RAB3IL1: variants seen among roughly 807,000 people sequenced by gnomAD.
RAB3IL1 encodes guanine nucleotide exchange factor for Rab-3A.
RAB3IL1 carries 37 observed loss-of-function variants against 49.2 expected under a neutral mutation model. That is an observed-to-expected ratio of 0.75 (90% CI 0.58 to 0.99). The LOEUF (loss-of-function observed/expected upper bound fraction) is 0.99, where lower values mean the gene tolerates loss of function less well. Ranked by LOEUF, RAB3IL1 falls within the 50% of genes least tolerant of loss-of-function variation. The pLI, the probability that RAB3IL1 is intolerant of heterozygous loss-of-function variation, is 0.00. For synonymous variants in RAB3IL1, 193 were observed against 213.9 expected (o/e 0.90, Z 0.85); for missense variants, 484 against 513.0 (o/e 0.94, Z 0.55).
intron 1 of RAB3IL1, 112 bp from the exon 2 acceptor site, chr11:61,908,418 C>T (rs1939315603): frequency 8.3e-7 from 1 of 1,201,746 alleles, no homozygotes; most frequent in African/African-American, 1.6e-5. Flanking sequence ...CTCAGCCTTT[C>T]CATCTGAAAA....
chr11:61,940,225 T>C, the RAB3IL1 span, among the ~76,000 whole-genome samples: 19 of 152,144 alleles, frequency 1.2e-4, no homozygotes, highest in South Asian at 3.9e-3. Flanking sequence ...GCAGATCACC[T>C]GAGGTCGGGA....
chr11:61,923,880 C>T (rs1939954113), upstream of RAB3IL1, among the ~76,000 whole-genome samples: 1 of 152,142 alleles, frequency 6.6e-6, no homozygotes, highest in Non-Finnish European at 1.5e-5. Context: ...AGAGGGGAAG[C>T]GACTCAGGAG....
chr11:61,926,946 G>T, the RAB3IL1 span, among the ~76,000 whole-genome samples: 1 of 152,036 alleles, frequency 6.6e-6, no homozygotes, highest in Non-Finnish European at 1.5e-5. Flanking sequence ...CAACTCCCAG[G>T]TTCAAGCGAT....
At chr11:61,937,770 A>G in the RAB3IL1 span, 4 of 152,354 alleles carry the variant, frequency 2.6e-5, no homozygotes, top group Middle Eastern at 3.4e-3. Context: ...TATAATGCAT[A>G]TAAAAAATAG....
In RAB3IL1 at chr11:61,898,965, C is replaced by T. The variant is rs1044754346; in HGVS notation, c.1066+349G>A. 2 of 505,910 alleles carry T rather than the reference C, an allele frequency of 4.0e-6. No homozygotes were observed. The highest frequency in any genetic ancestry group is 2.3e-5 in the Admixed American group (1 of 43,872). The allele number at this position is 505,910 out of a possible 1,614,324, so 31.3% of individuals were successfully genotyped here. On this transcript the variant is annotated intron_variant, in intron 9 of 9. Transcript: ENST00000394836. The surrounding 1 kb of genome is among the most constrained non-coding windows in gnomAD (Gnocchi z 5.1). ...GGAGGGGGTGGAGGGAGGCCCTGTC[C>T]AGCATGGAGTGGAGTGGGAGCAAAG...
chr11:61,912,515 C>T (rs920746358), intron 1 of RAB3IL1, among the ~76,000 whole-genome samples: 1 of 152,242 alleles, frequency 6.6e-6, no homozygotes, highest in Non-Finnish European at 1.5e-5. Flanking sequence ...CGCCAGCCCA[C>T]CACTCCACAG....
In RAB3IL1 at chr11:61,898,282, G is replaced by A. The variant is rs866048275; in HGVS notation, c.1145C>T (p.Ala382Val). The A allele has an allele frequency of 1.2e-6, 2 of 1,612,970 alleles. No individual in the cohort carries two copies. The highest frequency in any genetic ancestry group is 2.7e-5 in the African/African-American group (2 of 75,066). The change falls in exon 10 of 10, where the codon GCT (alanine) becomes GTT (valine). Residue 382 changes from alanine (A) to valine (V), a missense_variant. Coordinates refer to ENST00000394836, the MANE Select transcript of RAB3IL1 (RefSeq NM_013401.4). This position sits in a 1 kb window ranked among gnomAD's most constrained non-coding sequence, Gnocchi z 5.1. ...LAKLGFFPQE[A>V] ...CCTTCAGGCCTGGGCCGCGCCCTAA[G>A]CCTCCTGGGGGAAGAAGCCGAGCTT...
Position 61,898,078 on chromosome 11 carries a change from G to A in RAB3IL1, c.*200C>T. On this transcript the variant is annotated 3_prime_UTR_variant, in exon 10 of 10. Transcript: ENST00000394836. The surrounding 1 kb of genome is among the most constrained non-coding windows in gnomAD (Gnocchi z 5.1). The stretch of plus-strand genomic sequence containing the variant: ...AGAACCCAGTGGGGAAGAGAGGGGG[G>A]TCTTGCCGTGAAGTCCAGGCCCGTC... 1.7e-6 allele frequency: 1 copy of A among 575,736 alleles called. No individual in the cohort carries two copies. The highest frequency in any genetic ancestry group is 2.0e-5 in the South Asian group (1 of 49,112). 35.7% of individuals were successfully genotyped at this position (575,736 alleles called of 1,614,324 possible). A position where few individuals can be genotyped will look rare whatever the true frequency, so the allele number is the denominator to read the frequency against.
chr11:61,899,031 G>A (rs1938759731), intron 9 of RAB3IL1: 1 of 548,186 alleles, frequency 1.8e-6, no homozygotes, highest in African/African-American at 1.9e-5. Flanking sequence ...ACCAGGAGGA[G>A]GGGCCACCAC....
Position 61,902,640 on chromosome 11 carries a change from G to C in RAB3IL1, c.900-99C>G, listed in dbSNP as rs1591218847. On this transcript the variant is annotated intron_variant, in intron 7 of 9. Coordinates refer to ENST00000394836, the MANE Select transcript of RAB3IL1 (RefSeq NM_013401.4). ...GATGCAGCAGCTGAGAGGATGCATG[G>C]GGAGGGGCAGGCCTCCCTTCCCCCA... is the stretch of plus-strand genomic sequence containing the variant. 1.1e-5 allele frequency: 12 copies of C among 1,090,614 alleles called. No homozygotes were observed. The East Asian group carries it at 3.1e-4, about 28-fold the overall frequency. 67.6% of individuals were successfully genotyped at this position (1,090,614 alleles called of 1,614,324 possible). A position where few individuals can be genotyped will look rare whatever the true frequency, so the allele number is the denominator to read the frequency against.
chr11:61,939,776 C>T, the RAB3IL1 span, among the ~76,000 whole-genome samples: 1 of 151,760 alleles, frequency 6.6e-6, no homozygotes, highest in East Asian at 1.9e-4. Flanking sequence ...CATAAGGAAA[C>T]CTTGTCTCTG....
the RAB3IL1 span, among the ~76,000 whole-genome samples, chr11:61,925,986 C>T: frequency 6.6e-6 from 1 of 150,826 alleles, no homozygotes; most frequent in African/African-American, 2.4e-5. Context: ...ACACTTATTA[C>T]ACATCTAGCA....
the RAB3IL1 span, among the ~76,000 whole-genome samples, chr11:61,941,037 A>G: frequency 6.6e-5 from 10 of 152,074 alleles, no homozygotes; most frequent in South Asian, 1.7e-3. Flanking sequence ...GCAGTGAGCT[A>G]TGATCACACA....
intron 1 of RAB3IL1, among the ~76,000 whole-genome samples, chr11:61,912,894 G>C (rs921364584): frequency 6.6e-6 from 1 of 152,120 alleles, no homozygotes; most frequent in African/African-American, 2.4e-5. Flanking sequence ...GGGAATTGTG[G>C]GAGGAACAGG....
the RAB3IL1 span, among the ~76,000 whole-genome samples, chr11:61,945,365 G>A: frequency 2.0e-5 from 3 of 152,142 alleles, no homozygotes; most frequent in South Asian, 2.1e-4. Context: ...AGTGGCCACC[G>A]CAGCGCTAAA....
At chr11:61,930,503 T>C in the RAB3IL1 span, among the ~76,000 whole-genome samples, 3 of 152,122 alleles carry the variant, frequency 2.0e-5, no homozygotes, top group Non-Finnish European at 4.4e-5. Flanking sequence ...TTAAGACGAA[T>C]CATGGTGAAT....
In RAB3IL1 at chr11:61,907,550, G is replaced by A. The variant is rs551615985; in HGVS notation, c.360+15C>T. The A allele has an allele frequency of 1.5e-4, 250 of 1,613,830 alleles. 4 individuals carry two copies. In the South Asian group the frequency reaches 2.3e-3, roughly 15 times the overall value. ...GACCCATTCCCCAAGTTGTTCCCGC[G>A]CCCAGCCGGTGTACCTCAAACAGGC... is the stretch of plus-strand genomic sequence containing the variant. On this transcript the variant is annotated intron_variant, in intron 3 of 9. Coordinates refer to ENST00000394836, the MANE Select transcript of RAB3IL1 (RefSeq NM_013401.4).
intron 1 of RAB3IL1, among the ~76,000 whole-genome samples, chr11:61,912,337 G>A (rs371578539): frequency 4.2e-4 from 64 of 152,360 alleles, no homozygotes; most frequent in African/African-American, 1.3e-3. Context: ...GAGGCTCACA[G>A]CCATGTGATT....
chr11:61,897,583 G>C lies in RAB3IL1; in HGVS notation c.*695C>G, dbSNP rs1403537097. ...GTGCCCCAGTCCTTCCAGCGGTTTT[G>C]GGAGCAGGGCCTCCAGGAGCACAGG... is the stretch of plus-strand genomic sequence containing the variant. On this transcript the variant is annotated 3_prime_UTR_variant, in exon 10 of 10. Transcript: ENST00000394836. The C allele has an allele frequency of 1.3e-5, 2 of 152,238 alleles. No homozygotes were observed. Among genetic ancestry groups the C allele is most frequent in the African/African-American group, 4.8e-5 (2 of 41,376 alleles). The allele number at this position is 152,238 out of a possible 1,614,324, so 9.4% of individuals were successfully genotyped here.
Sources: allele counts gnomAD v4.1 joint callset (sites outside exome capture counted in the v4.1 genomes callset), GRCh38; gene constraint gnomAD v4.1.1; non-coding constraint Gnocchi (gnomAD v3.1); transcripts MANE v1.5; gene names NCBI Gene and HGNC (gene_info 2026-07-23, HGNC 2026-07-21).